The following AGBL1 variants were observed in gnomAD, a reference collection of about 807,000 sequenced individuals.
AGBL1 encodes the protein cytosolic carboxypeptidase 4.
A neutral mutation model predicts 118.9 loss-of-function variants in AGBL1; 130 were observed. That is an observed-to-expected ratio of 1.09 (90% CI 0.95 to 1.26). The LOEUF (loss-of-function observed/expected upper bound fraction) is 1.26. Among genes scored for constraint, AGBL1 ranks in the 50% most tolerant of loss-of-function variants. The pLI, the probability that AGBL1 is intolerant of heterozygous loss-of-function variation, is 0.00. For missense variants in AGBL1, 1,584 were observed against 1,298.1 expected (o/e 1.22, Z -3.38); for synonymous variants, 555 against 478.9 (o/e 1.16, Z -2.08).
chr15:86,186,013 T>G (rs1051789941), intron 5 of AGBL1, among the ~76,000 whole-genome samples: 1 of 152,194 alleles, frequency 6.6e-6, no homozygotes, highest in African/African-American at 2.4e-5. Flanking sequence ...AAGTAGTTCC[T>G]ATAGGGTGGG....
chr15:86,865,604 C>CT (rs1456557035), intron 22 of AGBL1, among the ~76,000 whole-genome samples: 1 of 152,200 alleles, frequency 6.6e-6, no homozygotes, highest in Non-Finnish European at 1.5e-5. Context: ...CTCAGTATAA[C>CT]TGAGAGAAAA....
intron 21 of AGBL1, among the ~76,000 whole-genome samples, chr15:86,562,300 A>G (rs1055509381): frequency 1.3e-5 from 2 of 152,166 alleles, no homozygotes; most frequent in South Asian, 4.1e-4. Flanking sequence ...AGCTCTTATT[A>G]TTTTGAGATA....
chr15:86,529,647 A>G (rs1418183223), intron 19 of AGBL1, among the ~76,000 whole-genome samples: 1 of 140,334 alleles, frequency 7.1e-6, no homozygotes, highest in East Asian at 2.1e-4. Context: ...ACTCCAAGAC[A>G]CATAATTGTC....
chr15:86,491,767 G>A (rs2082781920), intron 18 of AGBL1, among the ~76,000 whole-genome samples: 1 of 149,368 alleles, frequency 6.7e-6, no homozygotes, highest in African/African-American at 2.5e-5. Flanking sequence ...TAAAGCACTG[G>A]AAAAAAATTA....
At chr15:86,374,367 C>T (rs1308051228) in intron 17 of AGBL1, among the ~76,000 whole-genome samples, 2 of 152,198 alleles carry the variant, frequency 1.3e-5, no homozygotes, top group Admixed American at 6.5e-5. Context: ...GCATGTTTGA[C>T]TTTAATGCTT....
chr15:86,125,269 G>T (rs1447805334), intron 1 of AGBL1, among the ~76,000 whole-genome samples: 2 of 152,144 alleles, frequency 1.3e-5, no homozygotes, highest in Admixed American at 1.3e-4. Flanking sequence ...TATTTGGAAA[G>T]ACCCTCCACT....
intron 17 of AGBL1, among the ~76,000 whole-genome samples, chr15:86,396,811 T>G (rs2081372114): frequency 1.3e-5 from 2 of 152,186 alleles, no homozygotes; most frequent in Non-Finnish European, 2.9e-5. Context: ...TGAAAGAAAT[T>G]AATTCATTTG....
chr15:86,633,402 C>A (rs115552966), intron 21 of AGBL1, among the ~76,000 whole-genome samples: 4,756 of 152,062 alleles, frequency 0.031, 103 homozygotes, highest in South Asian at 0.051. Context: ...ATCAACAGGA[C>A]CTGTTTATGA....
At chr15:86,448,582 A>G (rs2082155826) in intron 18 of AGBL1, among the ~76,000 whole-genome samples, 1 of 152,242 alleles carries the variant, frequency 6.6e-6, no homozygotes. Context: ...GAATACTGAT[A>G]TGACAGTTGT....
chr15:86,814,092 G>C (rs1213405018), intron 22 of AGBL1, among the ~76,000 whole-genome samples: 1 of 152,122 alleles, frequency 6.6e-6, no homozygotes, highest in African/African-American at 2.4e-5. Context: ...TACCAGTCTG[G>C]TCCATGGCCT....
intron 1 of AGBL1, among the ~76,000 whole-genome samples, chr15:86,137,108 T>C (rs930851545): frequency 3.3e-5 from 5 of 152,240 alleles, no homozygotes; most frequent in African/African-American, 4.8e-5. Flanking sequence ...TAGTGTAAAA[T>C]ATTTATTGGT....
At position 86,279,686 on chromosome 15, in the gene AGBL1, A is replaced by G; in HGVS notation, c.2123A>G (p.Lys708Arg). 1 of 1,613,474 alleles carries G rather than the reference A, an allele frequency of 6.2e-7. No individual in the cohort carries two copies. Among genetic ancestry groups the G allele is most frequent in the Non-Finnish European group, 8.5e-7 (1 of 1,179,494 alleles). ...STAVAGGASG[K>R]CYYTLTFAVT... ...GCTGTTGCAGGCGGAGCATCTGGGA[A>G]GTGCTACTATACCCTCACCTTTGCT... Residue 708 changes from lysine (K) to arginine (R), a missense_variant, in exon 16 of 23, where the codon AAG becomes AGG. Lys to Arg is a conservative substitution (Grantham distance 26). Transcript: ENST00000614907.
At chr15:86,124,329 C>CAAAAAAAAA (rs71144030) in intron 1 of AGBL1, among the ~76,000 whole-genome samples, 4 of 93,198 alleles carry the variant, frequency 4.3e-5, no homozygotes, top group Non-Finnish European at 7.0e-5. Flanking sequence ...GACTCTGTCT[C>CAAAAAAAAA]AAAAAAAAAA....
chr15:86,421,005 G>A (rs1363933344), intron 18 of AGBL1, among the ~76,000 whole-genome samples: 1 of 152,130 alleles, frequency 6.6e-6, no homozygotes, highest in Non-Finnish European at 1.5e-5. Context: ...GAAAGTGACG[G>A]GGAGAATGGA....
intron 18 of AGBL1, among the ~76,000 whole-genome samples, chr15:86,479,266 A>G (rs2082611493): frequency 1.3e-5 from 2 of 152,238 alleles, no homozygotes; most frequent in African/African-American, 4.8e-5. Context: ...TCTGCACAGC[A>G]GAAGAAACAA....
At chr15:86,677,600 C>CA (rs1474300493) in intron 22 of AGBL1, among the ~76,000 whole-genome samples, 1 of 152,140 alleles carries the variant, frequency 6.6e-6, no homozygotes, top group East Asian at 1.9e-4. Flanking sequence ...GCCGAGCCCC[C>CA]CACCTCCATT....
At chr15:87,008,767 C>T (rs561688952) in intron 24 of AGBL1, among the ~76,000 whole-genome samples, 2 of 152,324 alleles carry the variant, frequency 1.3e-5, no homozygotes, top group South Asian at 2.1e-4. Context: ...TTGTTGGGAA[C>T]TGGAGCAAAG....
At position 86,913,348 on chromosome 15, in the gene AGBL1, G is replaced by A. The variant is rs1472902048; in HGVS notation, c.*6054G>A. 3 of 152,194 alleles carry A rather than the reference G, an allele frequency of 2.0e-5. No homozygotes were observed. Among genetic ancestry groups the A allele is most frequent in the East Asian group, 3.9e-4 (2 of 5,190 alleles). The allele number at this position is 152,194 out of a possible 1,614,324, so 9.4% of individuals were successfully genotyped here. A position where few individuals can be genotyped will look rare whatever the true frequency, so the allele number is the denominator to read the frequency against. ...TTTTAGGCTCTACTGTCACACAGAT[G>A]TCAAGATGAAGGCCTTTTGGGCAGA... On this transcript the variant is annotated 3_prime_UTR_variant, in exon 23 of 23. Coordinates refer to ENST00000614907, the MANE Select transcript of AGBL1 (RefSeq NM_001386094.1).
intron 22 of AGBL1, among the ~76,000 whole-genome samples, chr15:86,687,391 A>G (rs2086079102): frequency 6.6e-6 from 1 of 152,042 alleles, no homozygotes; most frequent in Non-Finnish European, 1.5e-5. Flanking sequence ...TTAGACCCTC[A>G]TGTCTGCTGC....
Sources: gnomAD v4.1 joint callset for allele counts (sites outside exome capture counted in the v4.1 genomes callset) on GRCh38, gnomAD v4.1.1 for gene constraint, MANE v1.5 for transcripts, NCBI Gene and HGNC (gene_info 2026-07-23, HGNC 2026-07-21) for gene names.